The following PTPRN2 variants were observed in gnomAD, a reference collection of about 807,000 sequenced individuals.
The protein encoded by PTPRN2 is protein tyrosine phosphatase receptor type N2, also known as receptor-type tyrosine-protein phosphatase N2.
A neutral mutation model predicts 118.8 loss-of-function variants in PTPRN2; 74 were observed. That is an observed-to-expected ratio of 0.62 (90% confidence interval 0.52 to 0.76). PTPRN2 has a LOEUF of 0.76. Ranked by LOEUF, PTPRN2 falls within the 30% of genes least tolerant of loss-of-function variation. The pLI is 0.00. For missense variants in PTPRN2, 1,481 were observed against 1,394.4 expected, an observed-to-expected ratio of 1.06 and a Z score of -0.99; for synonymous variants, 641 against 608.0, an observed-to-expected ratio of 1.05 and a Z score of -0.80.
chr7:157,769,052 T>G (rs1436314792), intron 12 of PTPRN2, among the ~76,000 whole-genome samples: 6 of 152,206 alleles, frequency 3.9e-5, no homozygotes, highest in Non-Finnish European at 7.3e-5. Flanking sequence ...GTTGGCATAA[T>G]TTTTCATGAT....
At chr7:158,330,274 A>G (rs1804103693) in intron 2 of PTPRN2, among the ~76,000 whole-genome samples, 4 of 138,718 alleles carry the variant, frequency 2.9e-5, no homozygotes, top group Admixed American at 7.3e-5. Context: ...ACACCCGCAG[A>G]CGTCACTCAC....
intron 10 of PTPRN2, among the ~76,000 whole-genome samples, chr7:158,082,339 G>A (rs1812906265): frequency 6.6e-6 from 1 of 152,188 alleles, no homozygotes; most frequent in Non-Finnish European, 1.5e-5. Flanking sequence ...CACCCAGGCT[G>A]TGGATTTTGC....
At chr7:158,447,379 CA>C (rs1305993252) in intron 2 of PTPRN2, among the ~76,000 whole-genome samples, 1 of 150,200 alleles carries the variant, frequency 6.7e-6, no homozygotes, top group Non-Finnish European at 1.5e-5. Flanking sequence ...TCTTTGGCAC[CA>C]AAAAAAAAGA....
intron 5 of PTPRN2, among the ~76,000 whole-genome samples, chr7:158,170,166 G>A (rs1220587669): frequency 5.9e-5 from 9 of 152,236 alleles, no homozygotes. Flanking sequence ...GCGAGAGACA[G>A]TGAATGCCAC....
At chr7:158,251,912 C>T (rs1448112522) in intron 3 of PTPRN2, among the ~76,000 whole-genome samples, 1 of 152,124 alleles carries the variant, frequency 6.6e-6, no homozygotes, top group East Asian at 1.9e-4. Context: ...AGCCTCCATT[C>T]CATTGTTGGG....
chr7:157,757,100 GT>G (rs1554436636), intron 12 of PTPRN2, among the ~76,000 whole-genome samples: 6 of 151,766 alleles, frequency 4.0e-5, no homozygotes, highest in East Asian at 1.9e-4. Context: ...CAAGATAAAA[GT>G]TTTTTTTTAA....
chr7:158,159,447 T>C (rs935853478), intron 6 of PTPRN2, among the ~76,000 whole-genome samples: 1 of 152,234 alleles, frequency 6.6e-6, no homozygotes. Context: ...TCAGGTATGT[T>C]GGGATGAGGT....
chr7:158,320,132 C>A (rs1256636883), intron 2 of PTPRN2, among the ~76,000 whole-genome samples: 3 of 82,806 alleles, frequency 3.6e-5, no homozygotes, highest in Non-Finnish European at 8.3e-5. Flanking sequence ...GCCTCCCTCA[C>A]ACACACAGCC....
intron 11 of PTPRN2, among the ~76,000 whole-genome samples, chr7:158,072,773 C>T (rs932515182): frequency 6.6e-6 from 1 of 152,216 alleles, no homozygotes; most frequent in Admixed American, 6.5e-5. Flanking sequence ...TGCTGTGTAG[C>T]CCTGTAGGGT....
intron 11 of PTPRN2, among the ~76,000 whole-genome samples, chr7:157,968,383 G>A (rs4716515): frequency 0.54 from 82,413 of 151,968 alleles, 22,516 homozygotes; most frequent in East Asian, 0.7. Context: ...GACTGGCATC[G>A]TCTGCAGTAA....
chr7:158,262,508 GCACACACATT>G (rs1164211552), intron 3 of PTPRN2, among the ~76,000 whole-genome samples: 1 of 143,178 alleles, frequency 7.0e-6, no homozygotes, highest in Non-Finnish European at 1.5e-5. Context: ...CACACACACT[GCACACACATT>G]CACACACTGC....
intron 3 of PTPRN2, among the ~76,000 whole-genome samples, chr7:158,251,822 A>G (rs901632214): frequency 2.6e-5 from 4 of 152,100 alleles, no homozygotes; most frequent in Admixed American, 2.6e-4. Flanking sequence ...ACAGACACAC[A>G]CCTTAATAAA....
chr7:158,189,378 C>T (rs1712256469), intron 5 of PTPRN2, among the ~76,000 whole-genome samples: 1 of 152,188 alleles, frequency 6.6e-6, no homozygotes, highest in Non-Finnish European at 1.5e-5. Flanking sequence ...ATGATGGGTT[C>T]AAAATGGAAC....
intron 6 of PTPRN2, among the ~76,000 whole-genome samples, chr7:158,140,821 A>G (rs1244036902): frequency 6.6e-6 from 1 of 152,194 alleles, no homozygotes; most frequent in South Asian, 2.1e-4. Context: ...CCTCAACAGC[A>G]GCAATAAAGA....
intron 11 of PTPRN2, among the ~76,000 whole-genome samples, chr7:158,046,973 A>C (rs2128893772): frequency 6.6e-6 from 1 of 152,328 alleles, no homozygotes; most frequent in South Asian, 2.1e-4. Flanking sequence ...GTACAGGGGC[A>C]GGCAATCAGG....
intron 11 of PTPRN2, among the ~76,000 whole-genome samples, chr7:158,009,851 G>A (rs565836089): frequency 1.3e-5 from 2 of 152,296 alleles, no homozygotes; most frequent in South Asian, 4.1e-4. Context: ...CACACTCACT[G>A]CACACTTGAA....
At chr7:157,713,491 A>C (rs991128881) in intron 12 of PTPRN2, among the ~76,000 whole-genome samples, 3 of 152,168 alleles carry the variant, frequency 2.0e-5, no homozygotes, top group African/African-American at 7.2e-5. Context: ...TTGTAAAAAA[A>C]AAAATCATTA....
chr7:158,439,864 A>G lies in PTPRN2; in HGVS notation c.163+49871T>C, dbSNP rs1158605964. 3.3e-5 allele frequency among the ~76,000 whole-genome samples: 5 copies of G among 152,346 alleles called. No homozygotes were observed. The East Asian group carries it at 9.6e-4, about 29-fold the overall frequency. ...TAGATCTTTTGGAAATAATTCTGCA[A>G]TGTGGAAATAATTTTGCAACGTGGA... On this transcript the variant is annotated intron_variant, in intron 2 of 22. Coordinates refer to ENST00000389418, the MANE Select transcript of PTPRN2 (RefSeq NM_002847.5).
At chr7:157,847,164 G>A (rs77168835) in intron 12 of PTPRN2, among the ~76,000 whole-genome samples, 1 of 43,534 alleles carries the variant, frequency 2.3e-5, no homozygotes, top group Non-Finnish European at 4.5e-5. Flanking sequence ...GCCCGATGTC[G>A]ACAGAGCCCT....
Sources: gnomAD v4.1 joint callset for allele counts (sites outside exome capture counted in the v4.1 genomes callset) on GRCh38, gnomAD v4.1.1 for gene constraint, MANE v1.5 for transcripts, NCBI Gene and HGNC (gene_info 2026-07-23, HGNC 2026-07-21) for gene names.